Variants in ARL8A observed in about 807,000 individuals in gnomAD.
ARL8A encodes the protein ADP-ribosylation factor-like protein 8A.
ARL8A carries 10 observed loss-of-function variants against 31.2 expected under a neutral mutation model. The observed-to-expected ratio is 0.32, with a 90% CI of 0.20 to 0.54. The LOEUF is 0.54. Ranked by LOEUF, ARL8A falls within the 20% of genes least tolerant of loss-of-function variation. The probability of loss-of-function intolerance (pLI) is 0.93; values close to 1 mark genes in which losing one functional copy is unlikely to be tolerated. For synonymous variants in ARL8A, 70 were observed against 86.9 expected, an observed-to-expected ratio of 0.81 and a Z score of 1.08; for missense variants, 129 against 242.8, an observed-to-expected ratio of 0.53 and a Z score of 3.12.
Position 202,138,108 on chromosome 1 carries a change from G to A in ARL8A, c.205-70C>T. 1 of 1,557,584 alleles carries A rather than the reference G, an allele frequency of 6.4e-7. No homozygotes were observed. Among genetic ancestry groups the A allele is most frequent in the Non-Finnish European group, 8.8e-7 (1 of 1,133,094 alleles). ...CCAAAACGTGTCTTGGGTCTCAAAT[G>A]CCCCCTCCTACCCTGCCCTACTCTC... is the stretch of plus-strand genomic sequence containing the variant. On this transcript the variant is annotated intron_variant, in intron 2 of 6. Coordinates refer to ENST00000272217, the MANE Select transcript of ARL8A (RefSeq NM_138795.4). This position sits in a 1 kb window ranked among gnomAD's most constrained non-coding sequence, Gnocchi z 4.4.
chr1:202,138,515 C>T lies in ARL8A; in HGVS notation c.124-67G>A. ...TATGCCCCCACCGCAGACCAAGAGG[C>T]TGCGAGAACCATGCAGAGGCCAGGC... On this transcript the variant is annotated intron_variant, in intron 1 of 6. Transcript: ENST00000272217. This position sits in a 1 kb window ranked among gnomAD's most constrained non-coding sequence, Gnocchi z 4.4. 2.7e-6 allele frequency: 4 copies of T among 1,481,158 alleles called. No homozygotes were observed. Among genetic ancestry groups the T allele is most frequent in the Non-Finnish European group, 3.8e-6 (4 of 1,060,774 alleles). 91.8% of individuals were successfully genotyped at this position (1,481,158 alleles called of 1,614,324 possible).
At position 202,138,047 on chromosome 1, in the gene ARL8A, G is replaced by A; in HGVS notation, c.205-9C>T. 1 of 1,613,954 alleles carries A rather than the reference G, an allele frequency of 6.2e-7. No individual in the cohort carries two copies. Among genetic ancestry groups the A allele is most frequent in the Non-Finnish European group, 8.5e-7 (1 of 1,180,020 alleles). ...CCCCCAATGTCCCAGAGCTGAGCAA[G>A]AAGAGGGTGAGATAGCCTCAGTAGT... On this transcript the variant is annotated splice_polypyrimidine_tract_variant and intron_variant, in intron 2 of 6. Transcript: ENST00000272217. This position sits in a 1 kb window ranked among gnomAD's most constrained non-coding sequence, Gnocchi z 4.4.
Position 202,137,955 on chromosome 1 carries a change from G to A in ARL8A, c.278+10C>T, listed in dbSNP as rs768990010. ...AGGCTGGAGTCTGGCGATGCCTCCC[G>A]TGTACTTACACGATGGCGCTCACTC... is the stretch of plus-strand genomic sequence containing the variant. On this transcript the variant is annotated intron_variant, in intron 3 of 6. Coordinates refer to ENST00000272217, the MANE Select transcript of ARL8A (RefSeq NM_138795.4). The A allele has an allele frequency of 6.3e-5, 102 of 1,613,876 alleles. No individual in the cohort carries two copies. The highest frequency in any genetic ancestry group is 2.4e-4 in the South Asian group (22 of 91,064).
Position 202,138,526 on chromosome 1 carries a change from A to G in ARL8A, c.124-78T>C, listed in dbSNP as rs960350235. On this transcript the variant is annotated intron_variant, in intron 1 of 6. Coordinates refer to ENST00000272217, the MANE Select transcript of ARL8A (RefSeq NM_138795.4). This position sits in a 1 kb window ranked among gnomAD's most constrained non-coding sequence, Gnocchi z 4.4. ...CGCAGACCAAGAGGCTGCGAGAACC[A>G]TGCAGAGGCCAGGCCAGAGCTTCCT... 1.4e-6 allele frequency: 2 copies of G among 1,384,418 alleles called. No individual in the cohort carries two copies. Among genetic ancestry groups the G allele is most frequent in the African/African-American group, 2.9e-5 (2 of 70,010 alleles). 85.8% of individuals were successfully genotyped at this position (1,384,418 alleles called of 1,614,324 possible).
At position 202,138,661 on chromosome 1, in the gene ARL8A, G is replaced by A. The variant is rs1043912944; in HGVS notation, c.124-213C>T. On this transcript the variant is annotated intron_variant, in intron 1 of 6. Transcript: ENST00000272217. This position sits in a 1 kb window ranked among gnomAD's most constrained non-coding sequence, Gnocchi z 4.4. ...CTGGGGATGCCCTGTGAAAAGACCC[G>A]CTTTTGTCAGACAGTCTCAATCTCT... 6.6e-6 allele frequency among the ~76,000 whole-genome samples: 1 copy of A among 152,104 alleles called. No individual in the cohort carries two copies. Among genetic ancestry groups the A allele is most frequent in the African/African-American group, 2.4e-5 (1 of 41,414 alleles).
Position 202,138,501 on chromosome 1 carries a change from C to T in ARL8A, c.124-53G>A, listed in dbSNP as rs541502479. ...AGTGCAAAAATCGATATGCCCCCAC[C>T]GCAGACCAAGAGGCTGCGAGAACCA... On this transcript the variant is annotated intron_variant, in intron 1 of 6. Coordinates refer to ENST00000272217, the MANE Select transcript of ARL8A (RefSeq NM_138795.4). The surrounding 1 kb of genome is among the most constrained non-coding windows in gnomAD (Gnocchi z 4.4). 9.7e-6 allele frequency: 15 copies of T among 1,549,290 alleles called. No individual in the cohort carries two copies. In the East Asian group the frequency reaches 2.2e-4, roughly 23 times the overall value.
rs777703833 is a variant in ARL8A, at chr1:202,138,321, ACACAC to A, written c.204+42_204+46del. 99 of 1,556,524 alleles carry A rather than the reference ACACAC, an allele frequency of 6.4e-5. No individual in the cohort carries two copies. The highest frequency in any genetic ancestry group is 3.4e-4 in the Middle Eastern group (2 of 5,906). ...CACACACACACACACACACACACAC[ACACAC>A]AAAAACAGTCCTCTGCACCCCCCAA... On this transcript the variant is annotated intron_variant, in intron 2 of 6. Coordinates refer to ENST00000272217, the MANE Select transcript of ARL8A (RefSeq NM_138795.4). This position sits in a 1 kb window ranked among gnomAD's most constrained non-coding sequence, Gnocchi z 4.4.
rs1655253723 is a variant in ARL8A, at chr1:202,144,584, C to G, written c.-12G>C. The G allele has an allele frequency of 7.1e-7, 1 of 1,406,142 alleles. No individual in the cohort carries two copies. Among genetic ancestry groups the G allele is most frequent in the East Asian group, 4.0e-5 (1 of 25,224 alleles). The allele number at this position is 1,406,142 out of a possible 1,614,324, so 87.1% of individuals were successfully genotyped here. ...AACAAAGCGATCATGGTCGCTGCCG[C>G]CGGCCCCGCCCGGTGCCAGGTCCCC... On this transcript the variant is annotated 5_prime_UTR_variant, in exon 1 of 7. Coordinates refer to ENST00000272217, the MANE Select transcript of ARL8A (RefSeq NM_138795.4). The surrounding 1 kb of genome is among the most constrained non-coding windows in gnomAD (Gnocchi z 5.2).
In ARL8A at chr1:202,138,346, C is replaced by A. The variant is rs1655075054; in HGVS notation, c.204+22G>T. The A allele has an allele frequency of 6.2e-7, 1 of 1,605,064 alleles. No individual in the cohort carries two copies. Among genetic ancestry groups the A allele is most frequent in the Non-Finnish European group, 8.5e-7 (1 of 1,172,568 alleles). On this transcript the variant is annotated intron_variant, in intron 2 of 6. Transcript: ENST00000272217. This position sits in a 1 kb window ranked among gnomAD's most constrained non-coding sequence, Gnocchi z 4.4. ...ACACACAAAAACAGTCCTCTGCACCCCCCAAGCTTCTGGGCCCTCACCTTG... is the reference window on the plus strand; with the variant it reads ...ACACACAAAAACAGTCCTCTGCACCACCCAAGCTTCTGGGCCCTCACCTTG...
intron 1 of ARL8A, among the ~76,000 whole-genome samples, chr1:202,141,143 G>C (rs1655156160): frequency 6.6e-6 from 1 of 152,146 alleles, no homozygotes; most frequent in African/African-American, 2.4e-5. Context: ...GCACCAGTAG[G>C]TCTTGTTCAG....
chr1:202,134,389 A>T lies in ARL8A; in HGVS notation c.*78T>A. The T allele has an allele frequency of 6.9e-7, 1 of 1,440,650 alleles. No individual in the cohort carries two copies. 89.2% of individuals were successfully genotyped at this position (1,440,650 alleles called of 1,614,324 possible). On this transcript the variant is annotated 3_prime_UTR_variant, in exon 7 of 7. Transcript: ENST00000272217. The surrounding 1 kb of genome is among the most constrained non-coding windows in gnomAD (Gnocchi z 4.2). ...GGTGAGGAGGGGTGGGCTTAGGGGG[A>T]CGACAGGGGTGGGCGGGGAGCTCGG...
intron 1 of ARL8A, among the ~76,000 whole-genome samples, chr1:202,141,470 C>T (rs1331127049): frequency 6.6e-6 from 1 of 151,808 alleles, no homozygotes; most frequent in Non-Finnish European, 1.5e-5. Flanking sequence ...GACGAAACCC[C>T]ATCTCTACTA....
chr1:202,134,190 T>A lies in ARL8A; in HGVS notation c.*277A>T. 2.0e-6 allele frequency: 1 copy of A among 495,928 alleles called. No homozygotes were observed. The highest frequency in any genetic ancestry group is 3.7e-6 in the Non-Finnish European group (1 of 273,398). The allele number at this position is 495,928 out of a possible 1,614,324, so 30.7% of individuals were successfully genotyped here. On this transcript the variant is annotated 3_prime_UTR_variant, in exon 7 of 7. Transcript: ENST00000272217. This position sits in a 1 kb window ranked among gnomAD's most constrained non-coding sequence, Gnocchi z 4.2. ...CCGGGGAAAAGCCAGGGGCGGGGGC[T>A]GTGGCCCAGGGCTGCTGGGAGGGAG...
chr1:202,144,309 G>A lies in ARL8A; in HGVS notation c.123+141C>T. ...GCCGTACTAGGCCCCAAGCGCTCGG[G>A]GCCGGCTCCTCCCCCGCCCGGCGCC... is the stretch of plus-strand genomic sequence containing the variant. On this transcript the variant is annotated intron_variant, in intron 1 of 6. Coordinates refer to ENST00000272217, the MANE Select transcript of ARL8A (RefSeq NM_138795.4). The surrounding 1 kb of genome is among the most constrained non-coding windows in gnomAD (Gnocchi z 5.2). The A allele has an allele frequency of 2.0e-6, 1 of 498,496 alleles. No individual in the cohort carries two copies. The highest frequency in any genetic ancestry group is 2.6e-6 in the Non-Finnish European group (1 of 384,392). The allele number at this position is 498,496 out of a possible 1,614,324, so 30.9% of individuals were successfully genotyped here.
rs1358690907 is a variant in ARL8A at position 202,140,304 on chromosome 1, T to TG, written c.124-1857_124-1856insC. On this transcript the variant is annotated intron_variant, in intron 1 of 6. Coordinates refer to ENST00000272217, the MANE Select transcript of ARL8A (RefSeq NM_138795.4). ...GCCACCATGCCTAGCTAATTTTTTT[T>TG]TTTTTTTTTTGTATTTTTAGTAGAT... Among the ~76,000 whole-genome samples, 10 of 151,432 alleles carry TG rather than the reference T, an allele frequency of 6.6e-5. 1 individual carries two copies. The highest frequency in any genetic ancestry group is 2.4e-4 in the African/African-American group (10 of 41,158).
At chr1:202,139,035 C>T (rs1655092888) in intron 1 of ARL8A, among the ~76,000 whole-genome samples, 1 of 152,178 alleles carries the variant, frequency 6.6e-6, no homozygotes, top group Non-Finnish European at 1.5e-5. Context: ...TGTCTCCTCA[C>T]TAGAAAGAAC....
chr1:202,139,632 C>CTTTT (rs71141457), intron 1 of ARL8A, among the ~76,000 whole-genome samples: 3 of 50,532 alleles, frequency 5.9e-5, no homozygotes, highest in African/African-American at 7.8e-5. Flanking sequence ...AGCCCTGTTC[C>CTTTT]TTTTTTTTTT....
Position 202,134,623 on chromosome 1 carries a change from T to C in ARL8A, c.512-107A>G. ...CCTAAGGGTATCAGAAGTCCAGAGA[T>C]GCCAGGAGGGGTGGCGCACACCTGG... On this transcript the variant is annotated intron_variant, in intron 6 of 6. Transcript: ENST00000272217. The surrounding 1 kb of genome is among the most constrained non-coding windows in gnomAD (Gnocchi z 4.2). 9.8e-7 allele frequency: 1 copy of C among 1,023,890 alleles called. No individual in the cohort carries two copies. The allele number at this position is 1,023,890 out of a possible 1,614,324, so 63.4% of individuals were successfully genotyped here.
At chr1:202,143,577 C>G (rs1483726893) in intron 1 of ARL8A, among the ~76,000 whole-genome samples, 1 of 152,220 alleles carries the variant, frequency 6.6e-6, no homozygotes, top group African/African-American at 2.4e-5. Flanking sequence ...AGCCTCAGCT[C>G]ACACCCATGG....
Sources: gnomAD v4.1 joint callset for allele counts (sites outside exome capture counted in the v4.1 genomes callset) on GRCh38, gnomAD v4.1.1 for gene constraint, Gnocchi (gnomAD v3.1) non-coding constraint, MANE v1.5 for transcripts, NCBI Gene and HGNC (gene_info 2026-07-23, HGNC 2026-07-21) for gene names.